Variants in FOXP2 observed in about 807,000 individuals in gnomAD.
FOXP2 encodes the protein forkhead box protein P2.
Under a neutral mutation model 115.8 loss-of-function variants are expected in FOXP2, and 12 were observed. The observed-to-expected ratio is 0.10, with a 90% CI of 0.07 to 0.17. The LOEUF is 0.17. Ranked by LOEUF, FOXP2 falls within the 10% of genes least tolerant of loss-of-function variation. The pLI is 1.00. For missense variants in FOXP2, 629 were observed against 843.5 expected (o/e 0.75, Z 3.15); for synonymous variants, 328 against 297.7 (o/e 1.10, Z -1.05).
chr7:114,142,461 C>T (rs1792244066), intron 1 of FOXP2, among the ~76,000 whole-genome samples: 1 of 152,022 alleles, frequency 6.6e-6, no homozygotes, highest in African/African-American at 2.4e-5. Flanking sequence ...AATATATAAA[C>T]TATGAATTTG....
At chr7:114,122,601 T>C (rs373825005) in intron 1 of FOXP2, among the ~76,000 whole-genome samples, 3 of 151,904 alleles carry the variant, frequency 2.0e-5, no homozygotes, top group African/African-American at 7.2e-5. Context: ...ATCTTTGGGG[T>C]TTTCAGCAGC....
chr7:114,283,037 C>T (rs967743089), intron 1 of FOXP2, among the ~76,000 whole-genome samples: 1 of 152,080 alleles, frequency 6.6e-6, no homozygotes, highest in Non-Finnish European at 1.5e-5. Flanking sequence ...ATCACCATTA[C>T]CAAACAGTTA....
At chr7:114,410,691 A>T (rs1353756825), upstream of FOXP2, among the ~76,000 whole-genome samples, 1 of 152,146 alleles carries the variant, frequency 6.6e-6, no homozygotes, top group African/African-American at 2.4e-5. Context: ...TTCAATAAAC[A>T]GTATGTGTTT....
intron 2 of FOXP2, among the ~76,000 whole-genome samples, chr7:114,319,278 C>A (rs1421278883): frequency 6.6e-6 from 1 of 152,144 alleles, no homozygotes; most frequent in Non-Finnish European, 1.5e-5. Context: ...GCTCTGGGAG[C>A]CTGCCTTTGT....
intron 1 of FOXP2, among the ~76,000 whole-genome samples, chr7:114,145,685 A>T (rs1485479834): frequency 6.6e-6 from 1 of 151,998 alleles, no homozygotes; most frequent in Non-Finnish European, 1.5e-5. Context: ...AGAAGGCTAA[A>T]ATGCTTAATT....
intron 2 of FOXP2, among the ~76,000 whole-genome samples, chr7:114,503,458 G>A (rs1051320845): frequency 2.6e-5 from 4 of 151,452 alleles, no homozygotes; most frequent in Non-Finnish European, 5.9e-5. Context: ...TTAGGGTAAT[G>A]GGCATCTATT....
intron 2 of FOXP2, among the ~76,000 whole-genome samples, chr7:114,456,399 A>C (rs1276600860): frequency 6.6e-6 from 1 of 151,888 alleles, no homozygotes; most frequent in African/African-American, 2.4e-5. Flanking sequence ...CTTGTTTAAA[A>C]CTCTACTCTG....
At chr7:114,588,702 A>G (rs1802280586) in intron 3 of FOXP2, among the ~76,000 whole-genome samples, 1 of 152,188 alleles carries the variant, frequency 6.6e-6, no homozygotes, top group Admixed American at 6.5e-5. Flanking sequence ...GTGCCAATTC[A>G]TGAACTGAAA....
rs3086371 is a variant in FOXP2 at position 114,230,975 on chromosome 7, T to TACAC, written c.-101-57016_-101-57013dup. On this transcript the variant is annotated intron_variant, in intron 1 of 17. Transcript: ENST00000634411. ...CTCATATATAGAAAACCCTAAAGAT[T>TACAC]ACACACACACACACACACACACACA... 3.0e-3 allele frequency among the ~76,000 whole-genome samples: 444 copies of TACAC among 147,128 alleles called. 5 individuals carry two copies. Among genetic ancestry groups the TACAC allele is most frequent in the African/African-American group, 1.3e-3 (52 of 40,278 alleles).
intron 3 of FOXP2, among the ~76,000 whole-genome samples, chr7:114,565,646 C>T (rs1472340247): frequency 2.0e-5 from 3 of 152,106 alleles, no homozygotes; most frequent in Non-Finnish European, 2.9e-5. Flanking sequence ...TAAATAAAAG[C>T]ATAACTTTTT....
At chr7:114,521,035 T>C (rs28694784) in intron 2 of FOXP2, among the ~76,000 whole-genome samples, 2 of 151,952 alleles carry the variant, frequency 1.3e-5, no homozygotes, top group African/African-American at 2.4e-5. Context: ...TTAAAGAAAA[T>C]TGAGCTTTCT....
chr7:114,655,647 A>T (rs527345582), intron 10 of FOXP2, among the ~76,000 whole-genome samples: 1 of 152,152 alleles, frequency 6.6e-6, no homozygotes, highest in East Asian at 1.9e-4. Flanking sequence ...TTCAAAATTG[A>T]TATGATAGTA....
chr7:114,442,650 C>T (rs893158880), intron 2 of FOXP2, among the ~76,000 whole-genome samples: 4 of 152,012 alleles, frequency 2.6e-5, no homozygotes, highest in Non-Finnish European at 5.9e-5. Flanking sequence ...GATGGGGTTT[C>T]ACCGTGTTGC....
intron 2 of FOXP2, among the ~76,000 whole-genome samples, chr7:114,350,870 A>G (rs574840929): frequency 6.6e-6 from 1 of 152,294 alleles, no homozygotes. Flanking sequence ...GCAAATACCA[A>G]AATCCAGGGA....
At chr7:114,389,692 A>C (rs1792539496) in intron 2 of FOXP2, among the ~76,000 whole-genome samples, 2 of 152,014 alleles carry the variant, frequency 1.3e-5, no homozygotes, top group Admixed American at 1.3e-4. Flanking sequence ...ATATAATGAG[A>C]CTAAACCATG....
chr7:114,676,043 G>A (rs928091304), intron 16 of FOXP2, among the ~76,000 whole-genome samples: 1 of 149,800 alleles, frequency 6.7e-6, no homozygotes, highest in Non-Finnish European at 1.5e-5. Flanking sequence ...CTGAGTAGCT[G>A]GGACTACAGA....
chr7:114,688,226 C>CACACAT (rs1808473528), intron 16 of FOXP2, among the ~76,000 whole-genome samples: 1 of 115,802 alleles, frequency 8.6e-6, no homozygotes, highest in Non-Finnish European at 2.1e-5. Context: ...CACACACACA[C>CACACAT]ACACACACAC....
At chr7:114,512,866 G>C (rs1798142454) in intron 2 of FOXP2, among the ~76,000 whole-genome samples, 1 of 152,100 alleles carries the variant, frequency 6.6e-6, no homozygotes, top group African/African-American at 2.4e-5. Context: ...GGTTGATCAT[G>C]AGGTCAAGAG....
At chr7:114,285,199 G>T (rs34604760) in intron 1 of FOXP2, among the ~76,000 whole-genome samples, 1,859 of 152,098 alleles carry the variant, frequency 0.012, 21 homozygotes, top group Middle Eastern at 0.041. Context: ...AGTTTTTTGG[G>T]TTTTTTTGGT....
Sources: allele counts gnomAD v4.1 joint callset (sites outside exome capture counted in the v4.1 genomes callset), GRCh38; gene constraint gnomAD v4.1.1; transcripts MANE v1.5; gene names NCBI Gene and HGNC (gene_info 2026-07-23, HGNC 2026-07-21).